Variants in CPNE4 observed in about 807,000 individuals in gnomAD.
CPNE4 encodes copine-4.
In CPNE4, 25 loss-of-function variants were observed where a neutral mutation model predicts 67.9. That is an observed-to-expected ratio of 0.37 (90% CI 0.27 to 0.51). The LOEUF (loss-of-function observed/expected upper bound fraction) is 0.51, where lower values mean the gene tolerates loss of function less well. Among genes scored for constraint, CPNE4 ranks in the 20% least tolerant of loss-of-function variants. CPNE4 has a pLI of 0.93. For synonymous variants in CPNE4, 242 were observed against 244.9 expected (o/e 0.99, Z 0.11); for missense variants, 464 against 690.8 (o/e 0.67, Z 3.68).
chr3:131,723,034 T>G (rs1259221330), intron 3 of CPNE4, among the ~76,000 whole-genome samples: 5 of 152,226 alleles, frequency 3.3e-5, no homozygotes, highest in Non-Finnish European at 7.3e-5. Context: ...GTACCAGAGA[T>G]GTCGACTAAA....
At chr3:131,715,845 T>C (rs1377012159) in intron 3 of CPNE4, among the ~76,000 whole-genome samples, 1 of 152,208 alleles carries the variant, frequency 6.6e-6, no homozygotes, top group East Asian at 1.9e-4. Flanking sequence ...CACATCTCTC[T>C]TTGGCGTACC....
chr3:131,924,382 C>T (rs940012494), intron 1 of CPNE4, among the ~76,000 whole-genome samples: 1 of 152,088 alleles, frequency 6.6e-6, no homozygotes, highest in Non-Finnish European at 1.5e-5. Flanking sequence ...ATATCATAGA[C>T]ATCATCATAG....
intron 1 of CPNE4, among the ~76,000 whole-genome samples, chr3:131,965,593 G>C (rs2072319436): frequency 6.6e-6 from 1 of 152,170 alleles, no homozygotes; most frequent in Non-Finnish European, 1.5e-5. Flanking sequence ...TGATAAAACA[G>C]ACTTTAAACC....
At chr3:131,886,775 T>C (rs1277544611) in intron 2 of CPNE4, among the ~76,000 whole-genome samples, 1 of 152,208 alleles carries the variant, frequency 6.6e-6, no homozygotes, top group East Asian at 1.9e-4. Flanking sequence ...ATTTTGGACT[T>C]ACATGAGCCC....
chr3:131,619,415 T>G (rs1470286980), intron 7 of CPNE4, among the ~76,000 whole-genome samples: 2 of 152,144 alleles, frequency 1.3e-5, no homozygotes, highest in Non-Finnish European at 1.5e-5. Flanking sequence ...CTGTAAAAAC[T>G]ATAATATGAC....
intron 2 of CPNE4, among the ~76,000 whole-genome samples, chr3:131,760,541 T>C (rs373220192): frequency 3.3e-5 from 5 of 152,344 alleles, no homozygotes; most frequent in Admixed American, 2.0e-4. Context: ...TAGGAGGTCA[T>C]CTCAGCTCCA....
intron 2 of CPNE4, among the ~76,000 whole-genome samples, chr3:131,813,552 C>G (rs900719453): frequency 2.0e-5 from 3 of 150,914 alleles, no homozygotes; most frequent in African/African-American, 7.3e-5. Context: ...TGCATACATA[C>G]ACACATTTAA....
At chr3:131,786,828 A>T (rs1477814947) in intron 2 of CPNE4, among the ~76,000 whole-genome samples, 1 of 152,196 alleles carries the variant, frequency 6.6e-6, no homozygotes, top group Non-Finnish European at 1.5e-5. Context: ...ATTAGGTGTT[A>T]TTACACAGCA....
chr3:132,000,767 C>CA (rs1255130790), intron 1 of CPNE4, among the ~76,000 whole-genome samples: 1 of 149,390 alleles, frequency 6.7e-6, no homozygotes, highest in Non-Finnish European at 1.5e-5. Context: ...ATTAAAGAGA[C>CA]ATCAAAAAAT....
At chr3:131,612,383 A>G (rs1446401699) in intron 7 of CPNE4, among the ~76,000 whole-genome samples, 5 of 152,176 alleles carry the variant, frequency 3.3e-5, no homozygotes, top group Non-Finnish European at 7.4e-5. Flanking sequence ...CAAAAAAAAA[A>G]TACTAGTGTT....
intron 7 of CPNE4, among the ~76,000 whole-genome samples, chr3:131,620,184 A>G (rs978729645): frequency 6.6e-6 from 1 of 152,200 alleles, no homozygotes; most frequent in African/African-American, 2.4e-5. Context: ...CATAGGTAAA[A>G]AGAAATGTAA....
chr3:131,617,856 C>T (rs935852738), intron 7 of CPNE4, among the ~76,000 whole-genome samples: 4 of 152,112 alleles, frequency 2.6e-5, no homozygotes, highest in Non-Finnish European at 5.9e-5. Flanking sequence ...TCACTGTGAC[C>T]ATTTTCTTCA....
At chr3:132,015,585 A>T (rs9864905) in intron 1 of CPNE4, among the ~76,000 whole-genome samples, 2 of 152,060 alleles carry the variant, frequency 1.3e-5, no homozygotes, top group African/African-American at 2.4e-5. Context: ...TTCAATAATC[A>T]GTCAAAACGT....
intron 2 of CPNE4, among the ~76,000 whole-genome samples, chr3:131,821,195 T>C (rs1263095710): frequency 1.3e-5 from 2 of 152,208 alleles, no homozygotes; most frequent in Non-Finnish European, 2.9e-5. Flanking sequence ...TAAAGAGTAA[T>C]GTATTTTGAG....
chr3:131,762,485 C>T (rs1210483248), intron 2 of CPNE4, among the ~76,000 whole-genome samples: 1 of 152,032 alleles, frequency 6.6e-6, no homozygotes, highest in Non-Finnish European at 1.5e-5. Context: ...GCTTGTTCAT[C>T]CATTGATTCT....
intron 1 of CPNE4, among the ~76,000 whole-genome samples, chr3:131,941,871 C>T (rs1196714783): frequency 1.3e-5 from 2 of 151,942 alleles, no homozygotes; most frequent in African/African-American, 4.8e-5. Flanking sequence ...TTTATTAAAA[C>T]CTAATACAGG....
chr3:131,961,649 C>T (rs1289706366), intron 1 of CPNE4, among the ~76,000 whole-genome samples: 9 of 152,128 alleles, frequency 5.9e-5, no homozygotes, highest in East Asian at 5.8e-4. Context: ...CCTATCCCTG[C>T]TCTGTTGTCT....
At chr3:131,843,357 C>T (rs1320527266) in intron 2 of CPNE4, among the ~76,000 whole-genome samples, 2 of 152,128 alleles carry the variant, frequency 1.3e-5, no homozygotes, top group Non-Finnish European at 2.9e-5. Flanking sequence ...CGAACCCATT[C>T]CTCACCCACA....
At chr3:131,939,231 G>A (rs578048902) in intron 1 of CPNE4, among the ~76,000 whole-genome samples, 1 of 152,094 alleles carries the variant, frequency 6.6e-6, no homozygotes, top group South Asian at 2.1e-4. Context: ...GTTAAATAAG[G>A]TAATAGTATA....
Sources: allele counts gnomAD v4.1 joint callset (sites outside exome capture counted in the v4.1 genomes callset), GRCh38; gene constraint gnomAD v4.1.1; transcripts MANE v1.5; gene names NCBI Gene and HGNC (gene_info 2026-07-23, HGNC 2026-07-21).